Variants in ZNF587B observed in about 807,000 individuals in gnomAD.
ZNF587B encodes the protein zinc finger protein 587B.
Under a neutral mutation model 7.2 loss-of-function variants are expected in ZNF587B, and 6 were observed. The observed-to-expected ratio is 0.83, with a 90% CI of 0.46 to 1.65. The LOEUF (loss-of-function observed/expected upper bound fraction) is 1.65. Among genes scored for constraint, ZNF587B ranks in the 40% most tolerant of loss-of-function variants. The probability of loss-of-function intolerance (pLI) is 0.01; values close to 1 mark genes in which losing one functional copy is unlikely to be tolerated. For synonymous variants in ZNF587B, 274 were observed against 254.3 expected (o/e 1.08, Z -0.74); for missense variants, 749 against 761.0 (o/e 0.98, Z 0.19).
rs976328057 is a variant in ZNF587B, at chr19:57,843,005, C to CT, written c.*436dup. ...ATATAGGGAATGTTATTATTTTTTC[C>CT]TTTTTTTGGAGAGACGGTCTCACTC... On this transcript the variant is annotated 3_prime_UTR_variant, in exon 3 of 3. Transcript: ENST00000594901. 113 of 983,002 alleles carry CT rather than the reference C, an allele frequency of 1.1e-4. 1 individual carries two copies. Among genetic ancestry groups the CT allele is most frequent in the Non-Finnish European group, 1.3e-4 (110 of 827,956 alleles). 60.9% of individuals were successfully genotyped at this position (983,002 alleles called of 1,614,324 possible).
In ZNF587B at chr19:57,840,840, T is replaced by C. The variant is rs765473240; in HGVS notation, c.166T>C (p.Cys56Arg). Reference protein sequence around the residue: ...ENLALMSSLGCWCGVEDEAAP... With the variant: ...ENLALMSSLGRWCGVEDEAAP... ...CACCAGCATTTTCTTGCTTTCAGGT[T>C]GTTGGTGTGGAGTGGAAGATGAGGC... The change falls in exon 3 of 3, where the codon TGT becomes CGT. Residue 56 changes from cysteine to arginine, a missense_variant and splice_region_variant. Physicochemically the swap from Cys to Arg is radical, Grantham distance 180. Around this residue, in one of 3 missense-constraint regions of ZNF587B, gnomAD observed 72 missense variants for 147.8 expected, o/e 0.49. Transcript: ENST00000594901. The C allele has an allele frequency of 3.5e-5, 54 of 1,543,858 alleles. No homozygotes were observed. Among genetic ancestry groups the C allele is most frequent in the Non-Finnish European group, 7.8e-6 (9 of 1,150,572 alleles).
chr19:57,836,274 C>T lies in ZNF587B; in HGVS notation c.37-2749C>T, dbSNP rs569193921. Among the ~76,000 whole-genome samples the T allele has an allele frequency of 2.6e-5, 4 of 152,224 alleles. No homozygotes were observed. The South Asian group carries it at 8.3e-4, about 32-fold the overall frequency. On this transcript the variant is annotated intron_variant, in intron 1 of 2. Transcript: ENST00000594901. ...TTCTGTGGAGCCATGCAAGGAGGTC[C>T]TCACAGAATTACTTGAGACCACCGC...
chr19:57,839,472 A>G (rs909770619), intron 2 of ZNF587B, among the ~76,000 whole-genome samples: 5 of 151,868 alleles, frequency 3.3e-5, no homozygotes, highest in African/African-American at 1.2e-4. Flanking sequence ...TCTAGCTGCT[A>G]TTTTCTTATG....
chr19:57,831,470 G>A (rs183689966), intron 1 of ZNF587B, among the ~76,000 whole-genome samples: 2 of 152,100 alleles, frequency 1.3e-5, no homozygotes, highest in African/African-American at 2.4e-5. Context: ...TCGGCTCACC[G>A]CAATCTCCGC....
In ZNF587B at chr19:57,841,948, T is replaced by G. The variant is rs1290842590; in HGVS notation, c.1274T>G (p.Leu425Arg). 1 of 1,612,796 alleles carries G rather than the reference T, an allele frequency of 6.2e-7. No individual in the cohort carries two copies. The highest frequency in any genetic ancestry group is 2.2e-5 in the East Asian group (1 of 44,790). Residue 425 changes from leucine to arginine, a missense_variant, in exon 3 of 3, where the codon CTT becomes CGT. Coordinates refer to ENST00000594901, the MANE Select transcript of ZNF587B (RefSeq NM_001376223.1). ...CGKSFNEKGH[L>R]RSHQRVHTTE... ...AAATCTTTTAATGAAAAAGGACACC[T>G]TAGGAGTCATCAGCGAGTTCACACT...
At position 57,843,316 on chromosome 19, in the gene ZNF587B, G is replaced by C; in HGVS notation, c.*740G>C. ...CAATTATGTTTTTCTGTGTAACATG[G>C]GAGGAGATCCTTTGAGGGCACCATG... On this transcript the variant is annotated 3_prime_UTR_variant, in exon 3 of 3. Coordinates refer to ENST00000594901, the MANE Select transcript of ZNF587B (RefSeq NM_001376223.1). 1 of 985,324 alleles carries C rather than the reference G, an allele frequency of 1.0e-6. No individual in the cohort carries two copies. The highest frequency in any genetic ancestry group is 1.7e-5 in the African/African-American group (1 of 57,336). 61.0% of individuals were successfully genotyped at this position (985,324 alleles called of 1,614,324 possible). A position where few individuals can be genotyped will look rare whatever the true frequency, so the allele number is the denominator to read the frequency against.
Position 57,841,647 on chromosome 19 carries a change from C to T in ZNF587B, c.973C>T (p.Pro325Ser), listed in dbSNP as rs769501960. The part of the protein sequence containing the change: ...RHQKVHAGKG[P>S]YECGECGKSF... ...TCAAAAAGTTCACGCTGGAAAAGGGCCTTATGAGTGTGGAGAATGTGGGAA... is the reference window on the plus strand; with the variant it reads ...TCAAAAAGTTCACGCTGGAAAAGGGTCTTATGAGTGTGGAGAATGTGGGAA... The change falls in exon 3 of 3, where the codon CCT becomes TCT. Residue 325 changes from proline to serine, a missense_variant. Pro to Ser is a moderately conservative substitution (Grantham distance 74). Around this residue, in one of 3 missense-constraint regions of ZNF587B, gnomAD observed 656 missense variants for 596.5 expected, o/e 1.10. Transcript: ENST00000594901. 2 of 1,600,946 alleles carry T rather than the reference C, an allele frequency of 1.2e-6. No individual in the cohort carries two copies. The highest frequency in any genetic ancestry group is 1.6e-4 in the Middle Eastern group (1 of 6,070).
chr19:57,841,993 G>T lies in ZNF587B; in HGVS notation c.1319G>T (p.Cys440Phe). The T allele has an allele frequency of 1.2e-6, 2 of 1,604,632 alleles. No homozygotes were observed. The highest frequency in any genetic ancestry group is 1.3e-5 in the African/African-American group (1 of 74,720). Residue 440 changes from cysteine (C) to phenylalanine (F), a missense_variant, in exon 3 of 3, where the codon TGT (cysteine) becomes TTT (phenylalanine). Transcript: ENST00000594901. ...RVHTTERPYK[C>F]GECGKCFSHK... ...CACACTACAGAAAGACCTTATAAGT[G>T]TGGGGAATGTGGGAAATGTTTTAGT...
In ZNF587B at chr19:57,837,323, C is replaced by A. The variant is rs138015299; in HGVS notation, c.37-1700C>A. ...CCAGGCTGGAGTGCAATGGCGCGAT[C>A]TTGACTCACTGCAACCTTCGCCTCC... On this transcript the variant is annotated intron_variant, in intron 1 of 2. Transcript: ENST00000594901. 8.9e-4 allele frequency among the ~76,000 whole-genome samples: 134 copies of A among 150,584 alleles called. 1 individual carries two copies. Among genetic ancestry groups the A allele is most frequent in the Non-Finnish European group, 1.6e-3 (105 of 67,674 alleles).
At chr19:57,835,560 C>G (rs1002643162) in intron 1 of ZNF587B, among the ~76,000 whole-genome samples, 1 of 135,356 alleles carries the variant, frequency 7.4e-6, no homozygotes, top group Non-Finnish European at 1.6e-5. Flanking sequence ...GAGTTTTTCA[C>G]CGTATTGGTC....
chr19:57,842,100 A>G lies in ZNF587B; in HGVS notation c.1426A>G (p.Lys476Glu). 6.2e-7 allele frequency: 1 copy of G among 1,600,632 alleles called. No homozygotes were observed. Among genetic ancestry groups the G allele is most frequent in the Non-Finnish European group, 8.5e-7 (1 of 1,172,906 alleles). Reference protein sequence around the residue: ...YMCWECGKLFKKKSHLLVHQR... With the variant: ...YMCWECGKLFEKKSHLLVHQR... ...GTGTTGGGAATGTGGAAAATTATTT[A>G]AGAAGAAGTCTCACCTCCTTGTACA... Residue 476 changes from lysine to glutamate, a missense_variant, in exon 3 of 3, where the codon AAG becomes GAG. Physicochemically the swap from Lys to Glu is moderately conservative, Grantham distance 56. Transcript: ENST00000594901.
intron 2 of ZNF587B, among the ~76,000 whole-genome samples, chr19:57,839,535 C>G (rs1452114612): frequency 6.6e-6 from 1 of 152,198 alleles, no homozygotes; most frequent in Admixed American, 6.5e-5. Flanking sequence ...CTATATAGAC[C>G]AGAGGCTGTT....
chr19:57,841,166 T>C lies in ZNF587B; in HGVS notation c.492T>C (p.His164=), dbSNP rs1267024530. The change falls in exon 3 of 3, where the codon CAT becomes CAC. Residue 164 remains histidine, a synonymous_variant. Transcript: ENST00000594901. ...TGTTTGTGAAGAGGTGTAAGTTGCA[T>C]GTGTCAGGGGAGTCATCTGTCTTCA... ...EALFVKRCKL[H]VSGESSVFSE... 1.2e-6 allele frequency: 2 copies of C among 1,614,200 alleles called. No homozygotes were observed. The highest frequency in any genetic ancestry group is 1.7e-5 in the Admixed American group (1 of 60,022).
chr19:57,832,887 T>A (rs1988472889), intron 1 of ZNF587B, among the ~76,000 whole-genome samples: 1 of 152,232 alleles, frequency 6.6e-6, no homozygotes, highest in Non-Finnish European at 1.5e-5. Flanking sequence ...GGGTCTTCCC[T>A]CACTTTGTCC....
At position 57,844,036 on chromosome 19, in the gene ZNF587B, A is replaced by G. The variant is rs142166535; in HGVS notation, c.*1460A>G. Among the ~76,000 whole-genome samples the G allele has an allele frequency of 1.3e-5, 2 of 152,252 alleles. No homozygotes were observed. The highest frequency in any genetic ancestry group is 1.3e-4 in the Admixed American group (2 of 15,276). ...ATGTTGGGATTATAGGCGTGGCATA[A>G]GTCACCATGCTGGGACTTTTTTATT... On this transcript the variant is annotated 3_prime_UTR_variant, in exon 3 of 3. Transcript: ENST00000594901.
In ZNF587B at chr19:57,843,428, C is replaced by T. The variant is rs1237897860; in HGVS notation, c.*852C>T. On this transcript the variant is annotated 3_prime_UTR_variant, in exon 3 of 3. Coordinates refer to ENST00000594901, the MANE Select transcript of ZNF587B (RefSeq NM_001376223.1). ...TTATCTTGCTAGACTTATGTGACTG[C>T]CACTTATCTGGCAAAAGCCATTACA... The T allele has an allele frequency of 1.0e-6, 1 of 985,126 alleles. No individual in the cohort carries two copies. Among genetic ancestry groups the T allele is most frequent in the African/African-American group, 1.7e-5 (1 of 57,202 alleles). The allele number at this position is 985,126 out of a possible 1,614,324, so 61.0% of individuals were successfully genotyped here.
At chr19:57,839,631 G>C (rs1370945849) in intron 2 of ZNF587B, among the ~76,000 whole-genome samples, 1 of 152,116 alleles carries the variant, frequency 6.6e-6, no homozygotes, top group East Asian at 1.9e-4. Context: ...AATGTTGGCT[G>C]TTCCCTTGTT....
chr19:57,841,400 T>C lies in ZNF587B; in HGVS notation c.726T>C (p.Tyr242=), dbSNP rs1438127406. The C allele has an allele frequency of 7.6e-6, 12 of 1,586,368 alleles. No individual in the cohort carries two copies. The Admixed American group carries it at 1.5e-4, about 19-fold the overall frequency. The part of the protein sequence containing the change: ...HQRLLPREEC[Y]VCCECGKSFS... ...GACTTCTCCCTCGAGAAGAATGTTA[T>C]GTGTGCTGTGAATGTGGGAAATCCT... The change falls in exon 3 of 3, where the codon TAT becomes TAC. Residue 242 remains tyrosine, a synonymous_variant. Coordinates refer to ENST00000594901, the MANE Select transcript of ZNF587B (RefSeq NM_001376223.1).
intron 2 of ZNF587B, among the ~76,000 whole-genome samples, chr19:57,840,622 A>G (rs1289336835): frequency 6.6e-6 from 1 of 152,142 alleles, no homozygotes; most frequent in Non-Finnish European, 1.5e-5. Flanking sequence ...TGTGTTACAT[A>G]CATGGTTGTG....
Sources: gnomAD v4.1 joint callset for allele counts (sites outside exome capture counted in the v4.1 genomes callset) on GRCh38, gnomAD v4.1.1 for gene constraint, gnomAD v4.1.1 regional missense constraint, MANE v1.5 for transcripts, NCBI Gene and HGNC (gene_info 2026-07-23, HGNC 2026-07-21) for gene names.